Variants in PCDHGA1 observed in about 807,000 individuals in gnomAD.
PCDHGA1 encodes protocadherin gamma subfamily A, 1.
PCDHGA1 carries 32 observed loss-of-function variants against 58.0 expected under a neutral mutation model. The ratio of observed to expected loss-of-function variants is 0.55; its 90% CI spans 0.42 to 0.74. The LOEUF (loss-of-function observed/expected upper bound fraction) is 0.74. Among genes scored for constraint, PCDHGA1 ranks in the 30% least tolerant of loss-of-function variants. PCDHGA1 has a pLI of 0.00. For synonymous variants in PCDHGA1, 498 were observed against 501.1 expected (o/e 0.99, Z 0.08); for missense variants, 1,205 against 1,182.3 (o/e 1.02, Z -0.28).
At position 141,391,015 on chromosome 5, in the gene PCDHGA1, CAAAGA is replaced by C. The variant is rs1353502690; in HGVS notation, c.2421+57916_2421+57920del. On this transcript the variant is annotated intron_variant, in intron 1 of 3. Transcript: ENST00000517417. ...TTCAAGCTCATTCTATATCCTTCAT[CAAAGA>C]AAAGACAATGTTTTGTGTCTGTTGT... 3.3e-5 allele frequency: 5 copies of C among 152,166 alleles called. No individual in the cohort carries two copies. The East Asian group carries it at 9.6e-4, about 29-fold the overall frequency. The allele number at this position is 152,166 out of a possible 1,614,324, so 9.4% of individuals were successfully genotyped here. A position where few individuals can be genotyped will look rare whatever the true frequency, so the allele number is the denominator to read the frequency against.
chr5:141,394,644 G>A, intron 1 of PCDHGA1: 2 of 1,613,358 alleles, frequency 1.2e-6, no homozygotes, highest in Non-Finnish European at 1.7e-6. Flanking sequence ...CCTGCTCAAG[G>A]CCAGCGAGCC....
chr5:141,394,746 G>A (rs1380467870), intron 1 of PCDHGA1: 3 of 1,613,418 alleles, frequency 1.9e-6, no homozygotes. Flanking sequence ...CCTCGTGGTG[G>A]CCGTCCAGGA....
chr5:141,420,993 C>T (rs956578377), intron 1 of PCDHGA1: 2 of 501,412 alleles, frequency 4.0e-6, no homozygotes, highest in Non-Finnish European at 7.0e-6. Context: ...GGCGCCGCTG[C>T]TCACCAATCA....
chr5:141,372,067 A>C, intron 1 of PCDHGA1: 1 of 1,613,568 alleles, frequency 6.2e-7, no homozygotes, highest in Non-Finnish European at 8.5e-7. Context: ...CGCAACGACA[A>C]TGCACCGCTG....
chr5:141,384,354 C>T (rs1437330360), intron 1 of PCDHGA1: 13 of 1,613,844 alleles, frequency 8.1e-6, no homozygotes, highest in Non-Finnish European at 1.0e-5. Context: ...AGGATAATGC[C>T]CAGATCACTT....
chr5:141,429,476 A>T (rs1279691939), intron 1 of PCDHGA1, among the ~76,000 whole-genome samples: 1 of 152,112 alleles, frequency 6.6e-6, no homozygotes, highest in Non-Finnish European at 1.5e-5. Flanking sequence ...CAATCTCCAG[A>T]GTAGCTGAGA....
chr5:141,383,553 C>T (rs765903383), intron 1 of PCDHGA1: 3 of 1,612,130 alleles, frequency 1.9e-6, no homozygotes, highest in South Asian at 2.2e-5. Flanking sequence ...CTGATGGCGG[C>T]GACCCGCCCC....
At chr5:141,400,181 A>G (rs1188334062) in intron 1 of PCDHGA1, 14 of 1,614,034 alleles carry the variant, frequency 8.7e-6, no homozygotes, top group Non-Finnish European at 1.1e-5. Flanking sequence ...GCTGAGCTGC[A>G]GTTTTACCTA....
intron 1 of PCDHGA1, chr5:141,399,023 C>T: frequency 6.2e-7 from 1 of 1,613,914 alleles, no homozygotes; most frequent in African/African-American, 1.3e-5. Flanking sequence ...GAAATTACCA[C>T]TCAAAAGAAA....
Position 141,485,152 on chromosome 5 carries a change from A to C in PCDHGA1, c.2422-9655A>C. ...CTTCATCCGCGTCTCAGGAGCAAGT[A>C]GAGAATTAGCGGGCGGCAGCAATGC... On this transcript the variant is annotated intron_variant, in intron 1 of 3. Coordinates refer to ENST00000517417, the MANE Select transcript of PCDHGA1 (RefSeq NM_018912.3). The surrounding 1 kb of genome is among the most constrained non-coding windows in gnomAD (Gnocchi z 5.7). 8.8e-6 allele frequency: 14 copies of C among 1,586,038 alleles called. No individual in the cohort carries two copies. The highest frequency in any genetic ancestry group is 1.0e-5 in the Non-Finnish European group (12 of 1,157,128).
At chr5:141,445,339 A>G (rs1450773291) in intron 1 of PCDHGA1, among the ~76,000 whole-genome samples, 1 of 152,152 alleles carries the variant, frequency 6.6e-6, no homozygotes, top group Non-Finnish European at 1.5e-5. Context: ...GAAACAGTAA[A>G]CATTGGTGTC....
At position 141,362,518 on chromosome 5, in the gene PCDHGA1, G is replaced by A. The variant is rs914330317; in HGVS notation, c.2421+29413G>A. 3.7e-6 allele frequency: 6 copies of A among 1,613,886 alleles called. No individual in the cohort carries two copies. In the East Asian group the frequency reaches 1.1e-4, roughly 30 times the overall value. ...TTGGGAACAAAATACAAATCATGGAGCCGCTGGGGTCCCTTTTGCCTCAGA... is the reference window on the plus strand; with the variant it reads ...TTGGGAACAAAATACAAATCATGGAACCGCTGGGGTCCCTTTTGCCTCAGA... On this transcript the variant is annotated intron_variant, in intron 1 of 3. Transcript: ENST00000517417.
intron 1 of PCDHGA1, chr5:141,371,077 T>G (rs1169560992): frequency 8.1e-6 from 13 of 1,613,784 alleles, no homozygotes; most frequent in Admixed American, 1.7e-5. Context: ...ACCACCCAGA[T>G]CAGGGTAATT....
intron 1 of PCDHGA1, among the ~76,000 whole-genome samples, chr5:141,470,825 C>A (rs557419577): frequency 6.6e-6 from 1 of 152,182 alleles, no homozygotes; most frequent in Admixed American, 6.5e-5. Context: ...GTAGTTAGGA[C>A]GACAAACACA....
intron 1 of PCDHGA1, chr5:141,417,831 C>T: frequency 5.2e-6 from 8 of 1,526,966 alleles, no homozygotes; most frequent in Non-Finnish European, 7.1e-6. Flanking sequence ...ACTGGAAAAG[C>T]GGGGACCCAG....
chr5:141,363,158 A>G (rs1432648043), intron 1 of PCDHGA1, among the ~76,000 whole-genome samples: 1 of 152,238 alleles, frequency 6.6e-6, no homozygotes, highest in Non-Finnish European at 1.5e-5. Context: ...GTGAGAAATC[A>G]TTCTCTAACA....
chr5:141,338,735 A>T, intron 1 of PCDHGA1: 1 of 1,042,210 alleles, frequency 9.6e-7, no homozygotes, highest in Non-Finnish European at 1.2e-6. Flanking sequence ...TGACCACCTA[A>T]GGAGTAAAAG....
intron 1 of PCDHGA1, chr5:141,420,339 T>C: frequency 7.2e-7 from 1 of 1,395,458 alleles, no homozygotes; most frequent in Non-Finnish European, 9.6e-7. Context: ...TCCAATATAG[T>C]GGTATTATTT....
chr5:141,340,715 G>T (rs750919254), intron 1 of PCDHGA1: 7 of 1,614,034 alleles, frequency 4.3e-6, no homozygotes, highest in Non-Finnish European at 5.9e-6. Flanking sequence ...GCCCCGCTCC[G>T]CAGAGCCCGG....
Sources: allele counts gnomAD v4.1 joint callset (sites outside exome capture counted in the v4.1 genomes callset), GRCh38; gene constraint gnomAD v4.1.1; non-coding constraint Gnocchi (gnomAD v3.1); transcripts MANE v1.5; gene names NCBI Gene and HGNC (gene_info 2026-07-23, HGNC 2026-07-21).